The following SEMA3A variants were observed in gnomAD, a reference collection of about 807,000 sequenced individuals.
SEMA3A encodes semaphorin 3A, also known as semaphorin-3A.
A neutral mutation model predicts 97.9 loss-of-function variants in SEMA3A; 29 were observed. The ratio of observed to expected loss-of-function variants is 0.30; its 90% CI spans 0.22 to 0.40. The LOEUF (loss-of-function observed/expected upper bound fraction) is 0.40, where lower values mean the gene tolerates loss of function less well. Ranked by LOEUF, SEMA3A falls within the 10% of genes least tolerant of loss-of-function variation. SEMA3A has a pLI of 1.00. For missense variants in SEMA3A, 763 were observed against 951.3 expected (o/e 0.80, Z 2.60); for synonymous variants, 321 against 323.7 (o/e 0.99, Z 0.09).
chr7:84,110,445 A>G, intron 4 of SEMA3A, 25 bp downstream of exon 4: 1 of 1,612,656 alleles, frequency 6.2e-7, no homozygotes. Flanking sequence ...ATGGACAAAT[A>G]TAATTTTTAA....
At chr7:84,289,981 T>G (rs1800700196) in intron 3 of SEMA3A, among the ~76,000 whole-genome samples, 1 of 152,134 alleles carries the variant, frequency 6.6e-6, no homozygotes, top group African/African-American at 2.4e-5. Context: ...GAATGAACTT[T>G]GAAAACATGC....
intron 1 of SEMA3A, among the ~76,000 whole-genome samples, chr7:84,379,728 C>T (rs1803206090): frequency 6.6e-6 from 1 of 152,082 alleles, no homozygotes; most frequent in African/African-American, 2.4e-5. Context: ...AACTAAAGCT[C>T]TTTGTTCATC....
At chr7:83,998,649 A>G (rs1278675691) in intron 12 of SEMA3A, among the ~76,000 whole-genome samples, 1 of 152,040 alleles carries the variant, frequency 6.6e-6, no homozygotes, top group East Asian at 1.9e-4. Flanking sequence ...AATATAAACT[A>G]TTGAATTTTT....
intron 13 of SEMA3A, among the ~76,000 whole-genome samples, chr7:83,983,238 TTTTC>T (rs1789498899): frequency 6.7e-6 from 1 of 149,542 alleles, no homozygotes; most frequent in African/African-American, 2.5e-5. Context: ...TCTTTCTTTC[TTTTC>T]TTTCTCTTCT....
At chr7:84,349,860 C>G (rs1190011436) in intron 2 of SEMA3A, among the ~76,000 whole-genome samples, 1 of 152,040 alleles carries the variant, frequency 6.6e-6, no homozygotes, top group Middle Eastern at 3.2e-3. Context: ...ATATCTATGA[C>G]TTCAATGAAT....
At position 83,959,389 on chromosome 7, in the gene SEMA3A, T is replaced by G. The variant is rs1285057475; in HGVS notation, c.*1982A>C. ...GCACTCTTTGTTCTTCGATTTATATTTGAAACACTACTTTCTGTACAGTGG... is the reference window on the plus strand; with the variant it reads ...GCACTCTTTGTTCTTCGATTTATATGTGAAACACTACTTTCTGTACAGTGG... On this transcript the variant is annotated 3_prime_UTR_variant, in exon 17 of 17. Transcript: ENST00000265362. 2 of 152,112 alleles carry G rather than the reference T, an allele frequency of 1.3e-5. No homozygotes were observed. Among genetic ancestry groups the G allele is most frequent in the Admixed American group, 1.3e-4 (2 of 15,258 alleles). 9.4% of individuals were successfully genotyped at this position (152,112 alleles called of 1,614,324 possible). A position where few individuals can be genotyped will look rare whatever the true frequency, so the allele number is the denominator to read the frequency against.
intron 4 of SEMA3A, among the ~76,000 whole-genome samples, chr7:84,062,700 C>A (rs562372015): frequency 5.3e-4 from 81 of 152,328 alleles, no homozygotes; most frequent in Non-Finnish European, 8.4e-4. Context: ...CCGAATACTG[C>A]GCTTTTCCGG....
chr7:84,361,871 C>G (rs1236457240), intron 2 of SEMA3A, among the ~76,000 whole-genome samples: 1 of 151,926 alleles, frequency 6.6e-6, no homozygotes, highest in African/African-American at 2.4e-5. Flanking sequence ...TGTAAAGGAT[C>G]CGAGAAGAGA....
intron 1 of SEMA3A, among the ~76,000 whole-genome samples, chr7:84,476,893 G>C (rs1364998047): frequency 6.6e-6 from 1 of 151,448 alleles, no homozygotes; most frequent in Non-Finnish European, 1.5e-5. Flanking sequence ...TCTTAGCCAT[G>C]TTCTGAAGAA....
intron 3 of SEMA3A, among the ~76,000 whole-genome samples, chr7:84,230,599 G>T (rs1324805305): frequency 6.6e-6 from 1 of 151,788 alleles, no homozygotes; most frequent in Non-Finnish European, 1.5e-5. Context: ...TTATTTTGTT[G>T]TTAACCTAAT....
At chr7:84,131,821 C>T (rs1795970382) in intron 2 of SEMA3A, among the ~76,000 whole-genome samples, 1 of 151,814 alleles carries the variant, frequency 6.6e-6, no homozygotes, top group South Asian at 2.1e-4. Context: ...GCGACAAGGT[C>T]TCACTCTATT....
intron 6 of SEMA3A, among the ~76,000 whole-genome samples, chr7:84,026,592 A>G (rs1791554871): frequency 6.6e-6 from 1 of 152,162 alleles, no homozygotes; most frequent in Admixed American, 6.5e-5. Flanking sequence ...CATGGAATCA[A>G]CCTAAATGCC....
chr7:84,454,795 C>A (rs1208077780), intron 1 of SEMA3A, among the ~76,000 whole-genome samples: 3 of 145,326 alleles, frequency 2.1e-5, no homozygotes, highest in African/African-American at 5.1e-5. Flanking sequence ...AATATTTAAT[C>A]ATATTAAATC....
rs10488592 is a variant in SEMA3A at position 84,315,037 on chromosome 7, A to T, written c.-168-7745T>A. On this transcript the variant is annotated intron_variant, in intron 2 of 3. Transcript: ENST00000424555. ...CTGGAGAAGCTTTTGGTTTGCTACG[A>T]ATAATTTTCTACTCACTGTTCTAGC... Among the ~76,000 whole-genome samples, 1,914 of 152,278 alleles carry T rather than the reference A, an allele frequency of 0.013. 61 individuals carry two copies. In the East Asian group the frequency reaches 0.15, roughly 12 times the overall value.
chr7:84,239,639 T>C (rs1799314030), intron 3 of SEMA3A, among the ~76,000 whole-genome samples: 1 of 152,152 alleles, frequency 6.6e-6, no homozygotes, highest in Non-Finnish European at 1.5e-5. Flanking sequence ...AGTTTAGAAA[T>C]TGGATCGTAA....
chr7:84,142,157 C>T (rs1020596813), intron 1 of SEMA3A, among the ~76,000 whole-genome samples: 7 of 152,104 alleles, frequency 4.6e-5, no homozygotes, highest in Admixed American at 1.3e-4. Flanking sequence ...GTAAGTTGTT[C>T]ATAATCTAAT....
intron 1 of SEMA3A, among the ~76,000 whole-genome samples, chr7:84,172,939 T>C (rs1166559023): frequency 6.6e-6 from 1 of 152,234 alleles, no homozygotes; most frequent in Non-Finnish European, 1.5e-5. Context: ...GATTTTTGTT[T>C]CTGAGATATG....
At chr7:84,461,817 T>C (rs1300063660) in intron 1 of SEMA3A, among the ~76,000 whole-genome samples, 2 of 152,168 alleles carry the variant, frequency 1.3e-5, no homozygotes, top group African/African-American at 4.8e-5. Context: ...AATTTAAGAT[T>C]TATTCTATTC....
intron 1 of SEMA3A, among the ~76,000 whole-genome samples, chr7:84,427,686 G>GAATTGTTACA (rs202107624): frequency 0.18 from 24,903 of 141,598 alleles, 2,331 homozygotes; most frequent in Middle Eastern, 0.23. Context: ...TCACTCATAT[G>GAATTGTTACA]TAACAATTAA....
Sources: allele counts gnomAD v4.1 joint callset (sites outside exome capture counted in the v4.1 genomes callset), GRCh38; gene constraint gnomAD v4.1.1; transcripts MANE v1.5; gene names NCBI Gene and HGNC (gene_info 2026-07-23, HGNC 2026-07-21).